UNC13D: variants seen among roughly 807,000 people sequenced by gnomAD.
UNC13D encodes the protein unc-13 homolog D, also known as protein unc-13 homolog D.
A neutral mutation model predicts 151.7 loss-of-function variants in UNC13D; 115 were observed. The observed-to-expected ratio is 0.76, with a 90% CI of 0.65 to 0.88. UNC13D has a LOEUF of 0.88. UNC13D is among the 40% of genes least tolerant of loss of function. The pLI is 0.00. For synonymous variants in UNC13D, 588 were observed against 612.2 expected (o/e 0.96, Z 0.58); for missense variants, 1,369 against 1,438.7 (o/e 0.95, Z 0.78).
At chr17:75,834,006 G>A in intron 24 of UNC13D, 69 bp downstream of exon 24, 1 of 1,584,430 alleles carries the variant, frequency 6.3e-7, no homozygotes, top group Middle Eastern at 1.7e-4. Flanking sequence ...TGACACCAAG[G>A]CCTTCAATGA....
Position 75,828,994 on chromosome 17 carries a change from A to T in UNC13D, c.2955-11T>A. The T allele has an allele frequency of 6.2e-7, 1 of 1,600,442 alleles. No homozygotes were observed. The highest frequency in any genetic ancestry group is 1.1e-5 in the South Asian group (1 of 90,776). ...TCAGCAGGCACCAGGCTGCGGGGAG[A>T]GTCAGGGCTCTGCTGCCAGCCCCAG... is the stretch of plus-strand genomic sequence containing the variant. On this transcript the variant is annotated splice_polypyrimidine_tract_variant and intron_variant, in intron 30 of 31. Coordinates refer to ENST00000207549, the MANE Select transcript of UNC13D (RefSeq NM_199242.3).
chr17:75,837,811 A>C (rs1348595821), intron 12 of UNC13D, among the ~76,000 whole-genome samples: 1 of 151,780 alleles, frequency 6.6e-6, no homozygotes, highest in Non-Finnish European at 1.5e-5. Context: ...GCCTTCGTGC[A>C]CATGTGGCAA....
At chr17:75,828,629 T>C (rs1470785776) in intron 31 of UNC13D, among the ~76,000 whole-genome samples, 158 bp downstream of exon 31, 2 of 152,230 alleles carry the variant, frequency 1.3e-5, no homozygotes, top group African/African-American at 4.8e-5. Flanking sequence ...TAAAGTTCAC[T>C]GGTCTCTTGA....
rs996214730 is a variant in UNC13D, at chr17:75,843,224, G to A, written c.196C>T (p.Arg66Cys). The change falls in exon 3 of 32, where the codon CGC becomes TGC. Residue 66 changes from arginine (R) to cysteine (C), a missense_variant. This residue lies in a region of UNC13D where 550 missense variants were observed against 609.0 expected (regional missense o/e 0.90). Coordinates refer to ENST00000207549, the MANE Select transcript of UNC13D (RefSeq NM_199242.3). The part of the protein sequence containing the change: ...YEDALYTVLH[R>C]LGHPEPNHVT... ...TGGTTGGGCTCAGGATGACCCAGGC[G>A]GTGCAAGACAGTGTAGAGTGCGTCC... 14 of 1,611,186 alleles carry A rather than the reference G, an allele frequency of 8.7e-6. No individual in the cohort carries two copies. Among genetic ancestry groups the A allele is most frequent in the East Asian group, 2.2e-5 (1 of 44,868 alleles).
intron 31 of UNC13D, among the ~76,000 whole-genome samples, chr17:75,828,519 C>T (rs2062139427): frequency 6.6e-6 from 1 of 152,240 alleles, no homozygotes; most frequent in South Asian, 2.1e-4. Context: ...CAAAAATGCT[C>T]TGCAGGGAAG....
chr17:75,844,219 A>G lies in UNC13D; in HGVS notation c.117+2T>C. 1 of 1,611,192 alleles carries G rather than the reference A, an allele frequency of 6.2e-7. No homozygotes were observed. The highest frequency in any genetic ancestry group is 8.5e-7 in the Non-Finnish European group (1 of 1,179,890). ...CTCTCTCCCCAGTGAGGTCACTCCT[A>G]CCTCCGGGGCCATTTGGGGCGGGGG... On this transcript the variant is annotated splice_donor_variant, in intron 1 of 31. Coordinates refer to ENST00000207549, the MANE Select transcript of UNC13D (RefSeq NM_199242.3). LOFTEE classifies it high-confidence loss of function.
Position 75,831,413 on chromosome 17 carries a change from A to C in UNC13D, c.2448-65T>G, listed in dbSNP as rs1009074063. On this transcript the variant is annotated intron_variant, in intron 25 of 31. Coordinates refer to ENST00000207549, the MANE Select transcript of UNC13D (RefSeq NM_199242.3). ...GGCGGTGGCGGAGGAGGAAGCAAAGACGCTCTTGAGAAAGGGGCGGCCTCA... is the reference window on the plus strand; with the variant it reads ...GGCGGTGGCGGAGGAGGAAGCAAAGCCGCTCTTGAGAAAGGGGCGGCCTCA... 3.4e-6 allele frequency: 5 copies of C among 1,479,564 alleles called. No homozygotes were observed. The African/African-American group carries it at 6.9e-5, about 21-fold the overall frequency. The allele number at this position is 1,479,564 out of a possible 1,614,324, so 91.7% of individuals were successfully genotyped here. A position where few individuals can be genotyped will look rare whatever the true frequency, so the allele number is the denominator to read the frequency against.
Position 75,834,930 on chromosome 17 carries a change from TTGACGGTAATCA to T in UNC13D, c.1970_1981del (p.Met657_Val660del), listed in dbSNP as rs1406709301. 1.2e-6 allele frequency: 2 copies of T among 1,614,050 alleles called. No individual in the cohort carries two copies. Among genetic ancestry groups the T allele is most frequent in the Admixed American group, 3.3e-5 (2 of 60,022 alleles). ...TGGAAGATGCCGCACCTCCACAAAC[TTGACGGTAATCA>T]TGAAGGCCTCCTCTGGGTCTGGCCA... On this transcript the variant is annotated inframe_deletion, in exon 21 of 32. Coordinates refer to ENST00000207549, the MANE Select transcript of UNC13D (RefSeq NM_199242.3).
intron 20 of UNC13D, 137 bp downstream of exon 20, chr17:75,835,272 C>T: frequency 7.3e-7 from 1 of 1,378,616 alleles, no homozygotes; most frequent in Non-Finnish European, 9.8e-7. Context: ...GCGTTTTGCA[C>T]AAAACTGGAC....
chr17:75,830,331 T>G, intron 29 of UNC13D, 31 bp downstream of exon 29: 5 of 1,588,238 alleles, frequency 3.1e-6, no homozygotes, highest in Non-Finnish European at 3.4e-6. Context: ...GACGGGACCA[T>G]GGAGAGTGGC....
chr17:75,843,234 A>G lies in UNC13D; in HGVS notation c.186T>C (p.Thr62=). 1 of 1,610,638 alleles carries G rather than the reference A, an allele frequency of 6.2e-7. No homozygotes were observed. Among genetic ancestry groups the G allele is most frequent in the Non-Finnish European group, 8.5e-7 (1 of 1,179,924 alleles). The change falls in exon 3 of 32, where the codon ACT becomes ACC. Residue 62 remains threonine (T), a synonymous_variant. Transcript: ENST00000207549. ...CAGGATGACCCAGGCGGTGCAAGAC[A>G]GTGTAGAGTGCGTCCTCGTAGAGCA... The part of the protein sequence containing the change: ...RALLYEDALY[T]VLHRLGHPEP...
chr17:75,833,301 C>T lies in UNC13D; in HGVS notation c.2368-256G>A, dbSNP rs1442927740. The stretch of plus-strand genomic sequence containing the variant: ...CCTGCCTCAGGGTCTCTGCCCTTGC[C>T]GTTCCCTCTGCCTGGAATGCTCCTC... On this transcript the variant is annotated intron_variant, in intron 24 of 31. Transcript: ENST00000207549. The surrounding 1 kb of genome is among the most constrained non-coding windows in gnomAD (Gnocchi z 4.0). The T allele has an allele frequency of 8.1e-6, 3 of 370,662 alleles. No individual in the cohort carries two copies. Among genetic ancestry groups the T allele is most frequent in the Admixed American group, 3.9e-5 (1 of 25,520 alleles). 23.0% of individuals were successfully genotyped at this position (370,662 alleles called of 1,614,324 possible).
At position 75,835,424 on chromosome 17, in the gene UNC13D, A is replaced by T. The variant is rs747636849; in HGVS notation, c.1833T>A (p.Ala611=). The part of the protein sequence containing the change: ...YNEALARVQR[A]VQMDELVPLG... The stretch of plus-strand genomic sequence containing the variant: ...ACGCCCCCACCTCATCCATCTGCAC[A>T]GCGCGCTGCACCCGCGCCAGGGCCT... Residue 611 remains alanine, a synonymous_variant, in exon 20 of 32, where the codon GCT becomes GCA. Transcript: ENST00000207549. 6.2e-7 allele frequency: 1 copy of T among 1,612,466 alleles called. No individual in the cohort carries two copies. The highest frequency in any genetic ancestry group is 1.1e-5 in the South Asian group (1 of 91,032).
At chr17:75,834,257 G>A in intron 23 of UNC13D, 68 bp downstream of exon 23, 1 of 1,582,770 alleles carries the variant, frequency 6.3e-7, no homozygotes, top group East Asian at 2.3e-5. Flanking sequence ...CCTTGGCCCA[G>A]GTGCTGCTGG....
rs1178919300 is a variant in UNC13D, at chr17:75,833,420, T to C, written c.2368-375A>G. On this transcript the variant is annotated intron_variant, in intron 24 of 31. Transcript: ENST00000207549. The surrounding 1 kb of genome is among the most constrained non-coding windows in gnomAD (Gnocchi z 4.0). ...TGGCCACCATCTAAAAATACAACCCTCTGACACTTCTCAGCCGCTTCTCTG... is the reference window on the plus strand; with the variant it reads ...TGGCCACCATCTAAAAATACAACCCCCTGACACTTCTCAGCCGCTTCTCTG... Among the ~76,000 whole-genome samples, 1 of 152,166 alleles carries C rather than the reference T, an allele frequency of 6.6e-6. No individual in the cohort carries two copies. Among genetic ancestry groups the C allele is most frequent in the Admixed American group, 6.5e-5 (1 of 15,278 alleles).
chr17:75,833,302 G>T lies in UNC13D; in HGVS notation c.2368-257C>A. ...CTGCCTCAGGGTCTCTGCCCTTGCC[G>T]TTCCCTCTGCCTGGAATGCTCCTCC... is the stretch of plus-strand genomic sequence containing the variant. On this transcript the variant is annotated intron_variant, in intron 24 of 31. Coordinates refer to ENST00000207549, the MANE Select transcript of UNC13D (RefSeq NM_199242.3). This position sits in a 1 kb window ranked among gnomAD's most constrained non-coding sequence, Gnocchi z 4.0. The T allele has an allele frequency of 2.7e-6, 1 of 364,972 alleles. No homozygotes were observed. The highest frequency in any genetic ancestry group is 2.1e-5 in the African/African-American group (1 of 48,528). 22.6% of individuals were successfully genotyped at this position (364,972 alleles called of 1,614,324 possible).
chr17:75,836,750 C>A (rs988699603), intron 13 of UNC13D, 51 bp downstream of exon 13: 8 of 1,613,524 alleles, frequency 5.0e-6, no homozygotes, highest in East Asian at 4.5e-5. Context: ...TGCTCCCCTG[C>A]CCCTTCCCTG....
chr17:75,827,969 G>A lies in UNC13D; in HGVS notation c.3269C>T (p.Pro1090Leu), dbSNP rs751649441. The A allele has an allele frequency of 3.4e-5, 54 of 1,607,146 alleles. No individual in the cohort carries two copies. In the Admixed American group the frequency reaches 7.2e-4, roughly 21 times the overall value. Residue 1090 changes from proline (P) to leucine (L), a missense_variant, in exon 32 of 32, where the codon CCG (proline) becomes CTG (leucine). Physicochemically the swap from Pro to Leu is moderately conservative, Grantham distance 98 (BLOSUM62 -3). This residue lies in a region of UNC13D where 807 missense variants were observed against 795.5 expected (regional missense o/e 1.01). Coordinates refer to ENST00000207549, the MANE Select transcript of UNC13D (RefSeq NM_199242.3). ...CCCCACCGCAAACCTCTACGGCTAC[G>A]GTGCCGGCCGCAAGGCATGCTGGGA... The part of the protein sequence containing the change: ...QASQHALRPA[P>L]
At position 75,830,625 on chromosome 17, in the gene UNC13D, T is replaced by G. The variant is rs1296725616; in HGVS notation, c.2662A>C (p.Ser888Arg). ...QRDLELQAAS[S>R]RELIRKYFCS... ...AAGTACTTCCGGATGAGTTCCCGGC[T>G]GGAGGCCGCCTGCAGCTCCAGGTCC... The change falls in exon 28 of 32, where the codon AGC becomes CGC. Residue 888 changes from serine to arginine, a missense_variant. Ser to Arg is a moderately radical substitution (Grantham distance 110). This residue lies in a region of UNC13D where 807 missense variants were observed against 795.5 expected (regional missense o/e 1.01). Transcript: ENST00000207549. 1 of 1,557,162 alleles carries G rather than the reference T, an allele frequency of 6.4e-7. No homozygotes were observed. Among genetic ancestry groups the G allele is most frequent in the Non-Finnish European group, 8.7e-7 (1 of 1,150,820 alleles).
Sources: allele counts gnomAD v4.1 joint callset (sites outside exome capture counted in the v4.1 genomes callset), GRCh38; gene constraint gnomAD v4.1.1; regional missense constraint gnomAD v4.1.1; non-coding constraint Gnocchi (gnomAD v3.1); transcripts MANE v1.5; gene names NCBI Gene and HGNC (gene_info 2026-07-23, HGNC 2026-07-21).